RORA: variants seen among roughly 807,000 people sequenced by gnomAD.
The protein encoded by RORA is RAR related orphan receptor A, also known as nuclear receptor ROR-alpha.
In RORA, 7 loss-of-function variants were observed where a neutral mutation model predicts 69.5. The ratio of observed to expected loss-of-function variants is 0.10; its 90% CI spans 0.06 to 0.19. The LOEUF is 0.19. Among genes scored for constraint, RORA ranks in the 10% least tolerant of loss-of-function variants. The pLI, the probability that RORA is intolerant of heterozygous loss-of-function variation, is 1.00. For missense variants in RORA, 457 were observed against 663.0 expected, an observed-to-expected ratio of 0.69 and a Z score of 3.41; for synonymous variants, 261 against 240.8, an observed-to-expected ratio of 1.08 and a Z score of -0.78.
intron 1 of RORA, among the ~76,000 whole-genome samples, chr15:61,135,285 T>A (rs2079226700): frequency 6.6e-6 from 1 of 151,822 alleles, no homozygotes; most frequent in Non-Finnish European, 1.5e-5. Context: ...GAGCCATGAT[T>A]ATGCCACCAC....
intron 2 of RORA, among the ~76,000 whole-genome samples, chr15:60,589,233 A>G (rs2068426138): frequency 6.6e-6 from 1 of 152,202 alleles, no homozygotes; most frequent in East Asian, 1.9e-4. Context: ...AGTTCTTCAA[A>G]ACTACAGAAT....
intron 1 of RORA, among the ~76,000 whole-genome samples, chr15:60,880,032 C>T (rs924675222): frequency 1.3e-5 from 2 of 152,102 alleles, no homozygotes; most frequent in African/African-American, 2.4e-5. Flanking sequence ...ACTCCTTCAC[C>T]CATGGGTCCT....
chr15:61,012,288 A>G (rs1895110342), intron 1 of RORA, among the ~76,000 whole-genome samples: 1 of 152,184 alleles, frequency 6.6e-6, no homozygotes, highest in South Asian at 2.1e-4. Context: ...AATACTATCA[A>G]CGCTTTCCCA....
intron 1 of RORA, among the ~76,000 whole-genome samples, chr15:60,817,719 A>G (rs2072837230): frequency 6.6e-6 from 1 of 152,170 alleles, no homozygotes; most frequent in East Asian, 1.9e-4. Context: ...GTGTGGGCTG[A>G]GGCCCCTCTA....
chr15:60,767,190 A>G (rs1036462991), intron 1 of RORA, among the ~76,000 whole-genome samples: 2 of 151,972 alleles, frequency 1.3e-5, no homozygotes, highest in Non-Finnish European at 2.9e-5. Context: ...TGGGATATAT[A>G]TTTTTTTCTA....
At chr15:61,214,473 G>A (rs1254849364) in intron 1 of RORA, among the ~76,000 whole-genome samples, 1 of 152,218 alleles carries the variant, frequency 6.6e-6, no homozygotes, top group Non-Finnish European at 1.5e-5. Context: ...ATCAGAGCAA[G>A]CATTATATAT....
At chr15:60,844,145 A>G (rs980241769) in intron 1 of RORA, among the ~76,000 whole-genome samples, 1 of 152,062 alleles carries the variant, frequency 6.6e-6, no homozygotes, top group African/African-American at 2.4e-5. Flanking sequence ...TTGTCTTCCC[A>G]GAGAACTCTG....
chr15:60,922,450 C>G (rs1892076744), intron 1 of RORA, among the ~76,000 whole-genome samples: 1 of 152,172 alleles, frequency 6.6e-6, no homozygotes, highest in Non-Finnish European at 1.5e-5. Flanking sequence ...TTCAATCTTT[C>G]TGTGAACCTC....
intron 1 of RORA, among the ~76,000 whole-genome samples, chr15:61,003,132 T>C (rs1361747712): frequency 7.2e-6 from 1 of 139,222 alleles, no homozygotes; most frequent in Middle Eastern, 3.8e-3. Flanking sequence ...TGAGACTCAG[T>C]CTCAAAAAAA....
chr15:60,665,056 C>T (rs2070360763), intron 2 of RORA, among the ~76,000 whole-genome samples: 1 of 152,232 alleles, frequency 6.6e-6, no homozygotes, highest in Non-Finnish European at 1.5e-5. Flanking sequence ...AACATACTTA[C>T]ATTCTAGACC....
chr15:60,862,852 T>C (rs1307135901), intron 1 of RORA, among the ~76,000 whole-genome samples: 3 of 152,334 alleles, frequency 2.0e-5, no homozygotes, highest in Middle Eastern at 3.4e-3. Context: ...AGGAGTGTAA[T>C]AGCTGGGACA....
intron 2 of RORA, among the ~76,000 whole-genome samples, chr15:60,576,217 T>A (rs1041951714): frequency 2.0e-5 from 3 of 152,232 alleles, no homozygotes; most frequent in African/African-American, 7.2e-5. Context: ...CCTATCCCTT[T>A]AACTGGCTAA....
intron 1 of RORA, among the ~76,000 whole-genome samples, chr15:60,862,810 T>C (rs899731441): frequency 6.6e-6 from 1 of 152,224 alleles, no homozygotes; most frequent in Non-Finnish European, 1.5e-5. Context: ...GTCACAATTG[T>C]ATTGTACATC....
intron 2 of RORA, among the ~76,000 whole-genome samples, chr15:60,581,270 C>T (rs2068185335): frequency 6.6e-6 from 1 of 152,172 alleles, no homozygotes; most frequent in Non-Finnish European, 1.5e-5. Flanking sequence ...AGAAAGACTG[C>T]CAAAACCCTG....
At chr15:60,940,378 C>T (rs1595831503) in intron 1 of RORA, among the ~76,000 whole-genome samples, 2 of 151,866 alleles carry the variant, frequency 1.3e-5, no homozygotes, top group South Asian at 2.1e-4. Context: ...CAAAAACATC[C>T]GCTAGGTGAA....
intron 2 of RORA, among the ~76,000 whole-genome samples, chr15:60,602,586 A>T (rs1363420109): frequency 2.0e-5 from 3 of 152,218 alleles, no homozygotes; most frequent in Non-Finnish European, 2.9e-5. Context: ...GTTCAGAGAG[A>T]TCGCTGCTCA....
chr15:60,948,964 C>A (rs889700559), intron 1 of RORA, among the ~76,000 whole-genome samples: 1 of 152,194 alleles, frequency 6.6e-6, no homozygotes. Context: ...AGGATCTGAA[C>A]AGGCAAACAG....
intron 2 of RORA, among the ~76,000 whole-genome samples, chr15:60,553,243 G>A (rs2067272078): frequency 1.3e-5 from 2 of 152,202 alleles, no homozygotes; most frequent in South Asian, 4.1e-4. Flanking sequence ...TTTATCCTGG[G>A]ATTACTATAA....
chr15:60,796,041 C>A (rs1335459067), intron 1 of RORA, among the ~76,000 whole-genome samples: 1 of 152,084 alleles, frequency 6.6e-6, no homozygotes, highest in Non-Finnish European at 1.5e-5. Context: ...CCTTTGCATC[C>A]TCAAAAAAGG....
Sources: gnomAD v4.1 joint callset for allele counts (sites outside exome capture counted in the v4.1 genomes callset) on GRCh38, gnomAD v4.1.1 for gene constraint, MANE v1.5 for transcripts, NCBI Gene and HGNC (gene_info 2026-07-23, HGNC 2026-07-21) for gene names.